AGBL4: variants seen among roughly 807,000 people sequenced by gnomAD.
AGBL4 encodes the protein cytosolic carboxypeptidase 6.
A neutral mutation model predicts 66.4 loss-of-function variants in AGBL4; 58 were observed. The observed-to-expected ratio is 0.87, with a 90% confidence interval of 0.71 to 1.09. The LOEUF is 1.09. AGBL4 is among the 50% of genes least tolerant of loss of function. The pLI is 0.00. For synonymous variants in AGBL4, 234 were observed against 222.9 expected, an observed-to-expected ratio of 1.05 and a Z score of -0.44; for missense variants, 579 against 631.0, an observed-to-expected ratio of 0.92 and a Z score of 0.88.
chr1:49,525,355 A>G (rs1457034694), intron 3 of AGBL4, among the ~76,000 whole-genome samples: 1 of 152,088 alleles, frequency 6.6e-6, no homozygotes, highest in East Asian at 1.9e-4. Context: ...AGAAAATACA[A>G]CATTTACTGA....
intron 3 of AGBL4, among the ~76,000 whole-genome samples, chr1:49,648,858 T>G (rs1269587343): frequency 6.6e-6 from 1 of 151,934 alleles, no homozygotes; most frequent in African/African-American, 2.4e-5. Context: ...AAAGAAATTA[T>G]TTCAAGAGAA....
At chr1:49,965,984 C>G (rs1396896006) in intron 1 of AGBL4, among the ~76,000 whole-genome samples, 2 of 150,798 alleles carry the variant, frequency 1.3e-5, no homozygotes, top group Non-Finnish European at 3.0e-5. Context: ...CTCTGTCACC[C>G]AGGCTGGAGT....
intron 9 of AGBL4, among the ~76,000 whole-genome samples, chr1:48,615,378 A>G (rs11588168): frequency 0.24 from 36,112 of 152,026 alleles, 5,277 homozygotes; most frequent in Non-Finnish European, 0.32. Flanking sequence ...GTAGGGAGGG[A>G]AAGGAGATAG....
At chr1:49,101,102 G>A (rs1645192448) in intron 4 of AGBL4, among the ~76,000 whole-genome samples, 1 of 152,060 alleles carries the variant, frequency 6.6e-6, no homozygotes, top group Admixed American at 6.6e-5. Context: ...CTGTGACCTT[G>A]TGTGAATCAT....
At chr1:48,970,635 G>T (rs1045362112) in intron 5 of AGBL4, among the ~76,000 whole-genome samples, 1 of 152,072 alleles carries the variant, frequency 6.6e-6, no homozygotes, top group Non-Finnish European at 1.5e-5. Flanking sequence ...AATCTGAAAG[G>T]TTTCAGAAAA....
chr1:49,944,048 C>A (rs1263195100), intron 1 of AGBL4, among the ~76,000 whole-genome samples: 1 of 152,024 alleles, frequency 6.6e-6, no homozygotes, highest in Non-Finnish European at 1.5e-5. Context: ...ACAGCAAGAC[C>A]TGCCCAAGGA....
rs532808821 is a variant in AGBL4, at chr1:49,672,864, T to C, written c.282+24449A>G. 3.9e-4 allele frequency among the ~76,000 whole-genome samples: 54 copies of C among 137,322 alleles called. No individual in the cohort carries two copies. In the South Asian group the frequency reaches 0.011, roughly 29 times the overall value. The allele number at this position is 137,322 out of a possible 152,430, so 90.1% of individuals were successfully genotyped here. On this transcript the variant is annotated intron_variant, in intron 3 of 13. Coordinates refer to ENST00000371839, the MANE Select transcript of AGBL4 (RefSeq NM_032785.4). ...TGAACCCAGGAGGTGGAGGTTGCAG[T>C]GAGCTGAGATCGTGCCATTGCACTC...
chr1:49,408,863 C>T (rs182785058), intron 3 of AGBL4, among the ~76,000 whole-genome samples: 5 of 152,180 alleles, frequency 3.3e-5, no homozygotes, highest in Non-Finnish European at 7.3e-5. Flanking sequence ...ACTTTGTGAT[C>T]GTGTGAGTCA....
intron 6 of AGBL4, among the ~76,000 whole-genome samples, chr1:48,844,112 A>G (rs1646861783): frequency 1.3e-5 from 2 of 152,088 alleles, no homozygotes; most frequent in Non-Finnish European, 2.9e-5. Flanking sequence ...CTATCCATCT[A>G]TGGTGAATTC....
intron 3 of AGBL4, among the ~76,000 whole-genome samples, chr1:49,544,945 T>G (rs1209827786): frequency 6.6e-6 from 1 of 152,226 alleles, no homozygotes; most frequent in East Asian, 1.9e-4. Context: ...TTGGCACATG[T>G]TCATTACTTA....
chr1:49,381,936 T>C (rs930431751), intron 3 of AGBL4, among the ~76,000 whole-genome samples: 4 of 151,808 alleles, frequency 2.6e-5, no homozygotes, highest in African/African-American at 9.7e-5. Flanking sequence ...GCATGGCACA[T>C]GTATACATAT....
At chr1:48,963,765 A>G (rs10493138) in intron 5 of AGBL4, among the ~76,000 whole-genome samples, 1 of 152,142 alleles carries the variant, frequency 6.6e-6, no homozygotes, top group Non-Finnish European at 1.5e-5. Context: ...CTTGAGCAAC[A>G]GATTAAGGTC....
At position 48,776,699 on chromosome 1, in the gene AGBL4, C is replaced by T. The variant is rs770186074; in HGVS notation, c.634+90492G>A. ...CTCTCGGGCCCGGCGCCCAATTCCT[C>T]CGGGCCCCGGTACACGGCGTACACC... On this transcript the variant is annotated intron_variant, in intron 6 of 13. Transcript: ENST00000371839. The T allele has an allele frequency of 3.6e-5, 55 of 1,518,540 alleles. No individual in the cohort carries two copies. Among genetic ancestry groups the T allele is most frequent in the East Asian group, 3.3e-4 (12 of 36,784 alleles). 94.1% of individuals were successfully genotyped at this position (1,518,540 alleles called of 1,614,324 possible).
chr1:48,627,111 G>A (rs1557837970), intron 9 of AGBL4, among the ~76,000 whole-genome samples: 1 of 152,094 alleles, frequency 6.6e-6, no homozygotes, highest in Admixed American at 6.5e-5. Flanking sequence ...GGACTCGAAA[G>A]CCTGTCAGGT....
intron 8 of AGBL4, among the ~76,000 whole-genome samples, chr1:48,638,056 A>C (rs563504785): frequency 3.9e-5 from 6 of 152,312 alleles, no homozygotes; most frequent in Non-Finnish European, 7.3e-5. Flanking sequence ...CTCTGCCCCC[A>C]AATAGGAATG....
chr1:49,037,670 G>A (rs78215325), intron 5 of AGBL4, among the ~76,000 whole-genome samples: 138 of 152,000 alleles, frequency 9.1e-4, no homozygotes, highest in African/African-American at 3.2e-3. Flanking sequence ...TTAAGACTTC[G>A]TTCACTCCCT....
At chr1:49,567,774 A>G (rs918633522) in intron 3 of AGBL4, among the ~76,000 whole-genome samples, 3 of 152,216 alleles carry the variant, frequency 2.0e-5, no homozygotes, top group Non-Finnish European at 4.4e-5. Context: ...GAAAAGACAC[A>G]GCAAAAGAAG....
chr1:48,923,082 GA>G (rs1654230503), intron 5 of AGBL4, among the ~76,000 whole-genome samples: 2 of 148,926 alleles, frequency 1.3e-5, no homozygotes, highest in Admixed American at 6.7e-5. Flanking sequence ...AAATTAAATA[GA>G]AAAAAATTAA....
chr1:48,973,766 A>C (rs1367207364), intron 5 of AGBL4, among the ~76,000 whole-genome samples: 1 of 152,182 alleles, frequency 6.6e-6, no homozygotes, highest in Non-Finnish European at 1.5e-5. Flanking sequence ...AACTTTCAGA[A>C]AACATAAAGG....
Sources: allele counts gnomAD v4.1 joint callset (sites outside exome capture counted in the v4.1 genomes callset), GRCh38; gene constraint gnomAD v4.1.1; transcripts MANE v1.5; gene names NCBI Gene and HGNC (gene_info 2026-07-23, HGNC 2026-07-21).